The following AGMO variants were observed in gnomAD, a reference collection of about 807,000 sequenced individuals.
The protein encoded by AGMO is alkylglycerol monooxygenase.
A neutral mutation model predicts 60.2 loss-of-function variants in AGMO; 75 were observed. The observed-to-expected ratio is 1.25, with a 90% CI of 1.03 to 1.51. AGMO has a LOEUF of 1.51. Among genes scored for constraint, AGMO ranks in the 40% most tolerant of loss-of-function variants. The pLI is 0.00. For missense variants in AGMO, 763 were observed against 525.5 expected (o/e 1.45, Z -4.42); for synonymous variants, 261 against 177.1 (o/e 1.47, Z -3.76).
At chr7:15,354,404 G>A (rs58630450) in intron 12 of AGMO, among the ~76,000 whole-genome samples, 5,838 of 34,586 alleles carry the variant, frequency 0.17, 904 homozygotes, top group African/African-American at 0.32. Context: ...ACACGTGTGT[G>A]TACACACGTG....
At chr7:15,547,364 G>C (rs1371749132) in intron 2 of AGMO, among the ~76,000 whole-genome samples, 1 of 151,942 alleles carries the variant, frequency 6.6e-6, no homozygotes, top group African/African-American at 2.4e-5. Flanking sequence ...CAGCATGAGC[G>C]ACGCAGAAGA....
intron 12 of AGMO, among the ~76,000 whole-genome samples, chr7:15,354,667 A>G (rs1391111105): frequency 6.7e-6 from 1 of 148,692 alleles, no homozygotes; most frequent in South Asian, 2.1e-4. Context: ...AAAGAAAACA[A>G]TTTTTTAAGT....
chr7:15,278,987 T>G (rs1034354601), intron 12 of AGMO, among the ~76,000 whole-genome samples: 1 of 152,078 alleles, frequency 6.6e-6, no homozygotes, highest in Non-Finnish European at 1.5e-5. Flanking sequence ...CTGTGGTAGT[T>G]GTCTTTGAGT....
rs76798640 is a variant in AGMO, at chr7:15,270,458, T to C, written c.1264-69099A>G. Among the ~76,000 whole-genome samples, 582 of 152,134 alleles carry C rather than the reference T, an allele frequency of 3.8e-3. 12 individuals carry two copies. In the East Asian group the frequency reaches 0.049, roughly 13 times the overall value. ...GTCTGTTCATGTCCTTTGCCCAGTT[T>C]GAAACGAGGTTAATTCTTTTTGTCT... On this transcript the variant is annotated intron_variant, in intron 12 of 12. Transcript: ENST00000342526.
At chr7:15,360,219 G>A (rs1782695179) in intron 12 of AGMO, among the ~76,000 whole-genome samples, 1 of 152,152 alleles carries the variant, frequency 6.6e-6, no homozygotes, top group African/African-American at 2.4e-5. Flanking sequence ...AAATCTGGTT[G>A]GAATGACTGA....
chr7:15,130,773 T>C, the AGMO span, among the ~76,000 whole-genome samples: 2 of 152,164 alleles, frequency 1.3e-5, no homozygotes, highest in African/African-American at 4.8e-5. Flanking sequence ...AATGATGACA[T>C]CACTTTAATC....
intron 6 of AGMO, among the ~76,000 whole-genome samples, chr7:15,391,853 A>G (rs1005177832): frequency 6.6e-6 from 1 of 152,122 alleles, no homozygotes; most frequent in Admixed American, 6.5e-5. Context: ...AATGACATCT[A>G]ATGGGTGGGG....
the AGMO span, among the ~76,000 whole-genome samples, chr7:15,157,025 G>C: frequency 6.6e-6 from 1 of 152,080 alleles, no homozygotes; most frequent in Non-Finnish European, 1.5e-5. Context: ...ACAACAAATA[G>C]CACCGTAGTT....
At chr7:15,198,664 G>A (rs986761612), downstream of AGMO, among the ~76,000 whole-genome samples, 56 of 152,212 alleles carry the variant, frequency 3.7e-4, 1 homozygote, top group African/African-American at 1.3e-3. Flanking sequence ...TGGGTAGGGG[G>A]CCAGGGAATG....
chr7:15,367,586 A>AATAC (rs1783036816), intron 10 of AGMO, among the ~76,000 whole-genome samples: 1 of 152,160 alleles, frequency 6.6e-6, no homozygotes, highest in Admixed American at 6.6e-5. Context: ...ATGACAGTAG[A>AATAC]ATACATATGA....
At chr7:15,548,311 A>T (rs1415358493) in intron 2 of AGMO, among the ~76,000 whole-genome samples, 1 of 152,154 alleles carries the variant, frequency 6.6e-6, no homozygotes, top group Non-Finnish European at 1.5e-5. Context: ...ACAAAGCTGG[A>T]TGGAGAATGA....
chr7:15,291,439 TC>T (rs1351132012), intron 12 of AGMO, among the ~76,000 whole-genome samples: 2 of 152,218 alleles, frequency 1.3e-5, no homozygotes, highest in Non-Finnish European at 2.9e-5. Flanking sequence ...ATAGTGTTCT[TC>T]TTAAGTATGA....
intron 3 of AGMO, among the ~76,000 whole-genome samples, chr7:15,464,249 C>G (rs1195118732): frequency 6.6e-6 from 1 of 152,190 alleles, no homozygotes; most frequent in Non-Finnish European, 1.5e-5. Context: ...TTTAGCTCAT[C>G]TCTCCATAAA....
chr7:15,519,172 G>C (rs753598229), intron 3 of AGMO, among the ~76,000 whole-genome samples: 10 of 151,960 alleles, frequency 6.6e-5, no homozygotes, highest in East Asian at 2.0e-4. Flanking sequence ...ACTATGTGAA[G>C]AGATCAAACC....
chr7:15,355,504 C>CAAAAAAAAAAA (rs56695710), intron 12 of AGMO, among the ~76,000 whole-genome samples: 1 of 81,736 alleles, frequency 1.2e-5, no homozygotes, highest in African/African-American at 5.0e-5. Context: ...GACTCTGTCT[C>CAAAAAAAAAAA]AAAAAAAAAA....
At chr7:15,287,776 G>C (rs1418136303) in intron 12 of AGMO, among the ~76,000 whole-genome samples, 1 of 132,226 alleles carries the variant, frequency 7.6e-6, no homozygotes, top group African/African-American at 2.5e-5. Flanking sequence ...GCATTTTAAC[G>C]TAGCTAAATT....
chr7:15,529,556 A>AGT lies in AGMO; in HGVS notation c.409+15215_409+15216insAC, dbSNP rs1562554675. ...ATATATATATATTCTATATATATAG[A>AGT]ATATATATTCTATATATAGAGTATA... On this transcript the variant is annotated intron_variant, in intron 3 of 12. Coordinates refer to ENST00000342526, the MANE Select transcript of AGMO (RefSeq NM_001004320.2). Among the ~76,000 whole-genome samples the AGT allele has an allele frequency of 3.6e-3, 197 of 55,034 alleles. 2 individuals carry two copies. Among genetic ancestry groups the AGT allele is most frequent in the African/African-American group, 0.013 (189 of 14,964 alleles). The allele number at this position is 55,034 out of a possible 152,430, so 36.1% of individuals were successfully genotyped here.
At position 15,262,335 on chromosome 7, in the gene AGMO, A is replaced by G. The variant is rs533239018; in HGVS notation, c.1264-60976T>C. On this transcript the variant is annotated intron_variant, in intron 12 of 12. Coordinates refer to ENST00000342526, the MANE Select transcript of AGMO (RefSeq NM_001004320.2). ...ATCAGTAGCTCTGCTATACACCAACAGTGACAAAGCTGAGATATTAATAAC... is the reference window on the plus strand; with the variant it reads ...ATCAGTAGCTCTGCTATACACCAACGGTGACAAAGCTGAGATATTAATAAC... 2.6e-4 allele frequency among the ~76,000 whole-genome samples: 40 copies of G among 152,246 alleles called. 1 individual carries two copies. The highest frequency in any genetic ancestry group is 9.4e-4 in the African/African-American group (39 of 41,566).
chr7:15,304,192 A>C (rs1780542890), intron 12 of AGMO, among the ~76,000 whole-genome samples: 1 of 152,076 alleles, frequency 6.6e-6, no homozygotes, highest in African/African-American at 2.4e-5. Flanking sequence ...TTACAATACA[A>C]ATGAAAGTTA....
Sources: gnomAD v4.1 joint callset for allele counts (sites outside exome capture counted in the v4.1 genomes callset) on GRCh38, gnomAD v4.1.1 for gene constraint, MANE v1.5 for transcripts, NCBI Gene and HGNC (gene_info 2026-07-23, HGNC 2026-07-21) for gene names.